HSF5: variants seen among roughly 807,000 people sequenced by gnomAD.
HSF5 encodes the protein heat shock factor protein 5.
A neutral mutation model predicts 50.8 loss-of-function variants in HSF5; 5 were observed. That is an observed-to-expected ratio of 0.10 (90% CI 0.05 to 0.21). HSF5 has a LOEUF of 0.21. Among genes scored for constraint, HSF5 ranks in the 10% least tolerant of loss-of-function variants. The pLI, the probability that HSF5 is intolerant of heterozygous loss-of-function variation, is 1.00. For synonymous variants in HSF5, 307 were observed against 307.4 expected (o/e 1.00, Z 0.02); for missense variants, 564 against 762.6 (o/e 0.74, Z 3.07).
At chr17:58,423,322 A>C (rs1974249965) in intron 5 of HSF5, among the ~76,000 whole-genome samples, 1 of 152,076 alleles carries the variant, frequency 6.6e-6, no homozygotes, top group South Asian at 2.1e-4. Flanking sequence ...TAAAAATGCA[A>C]ATTAGGTACT....
In HSF5 at chr17:58,471,659, A is replaced by G. The variant is rs1193207145; in HGVS notation, c.926-4680T>C. On this transcript the variant is annotated intron_variant, in intron 2 of 5. Coordinates refer to ENST00000323777, the MANE Select transcript of HSF5 (RefSeq NM_001080439.3). ...GAGACACAATCTTGCTCTGTTGCCCAGGCTGGTCTCAAACTCCTGGCTTCA... is the reference window on the plus strand; with the variant it reads ...GAGACACAATCTTGCTCTGTTGCCCGGGCTGGTCTCAAACTCCTGGCTTCA... 5.5e-5 allele frequency among the ~76,000 whole-genome samples: 8 copies of G among 144,798 alleles called. No homozygotes were observed. The East Asian group carries it at 1.2e-3, about 22-fold the overall frequency. 95.0% of individuals were successfully genotyped at this position (144,798 alleles called of 152,430 possible). A position where few individuals can be genotyped will look rare whatever the true frequency, so the allele number is the denominator to read the frequency against.
At chr17:58,470,373 G>T (rs1305182627) in intron 2 of HSF5, among the ~76,000 whole-genome samples, 2 of 152,146 alleles carry the variant, frequency 1.3e-5, no homozygotes, top group African/African-American at 4.8e-5. Flanking sequence ...CTACAATATA[G>T]ATGAATCTTA....
At chr17:58,465,647 T>C (rs891306741) in intron 3 of HSF5, among the ~76,000 whole-genome samples, 2 of 151,550 alleles carry the variant, frequency 1.3e-5, no homozygotes, top group Non-Finnish European at 2.9e-5. Context: ...AAGGGAATGT[T>C]CTTTTGAGTA....
At chr17:58,467,092 G>A in intron 2 of HSF5, 113 bp from the exon 3 acceptor site, 5 of 662,150 alleles carry the variant, frequency 7.6e-6, no homozygotes, top group Non-Finnish European at 1.3e-5. Context: ...AACTTCTTTT[G>A]TATGTCTAAC....
chr17:58,452,291 T>TA (rs1466747212), intron 5 of HSF5, among the ~76,000 whole-genome samples: 5 of 151,308 alleles, frequency 3.3e-5, no homozygotes, highest in Middle Eastern at 3.4e-3. Flanking sequence ...AAAGAAATAA[T>TA]AAAAAAACCT....
At chr17:58,477,374 C>T (rs560152638) in intron 2 of HSF5, among the ~76,000 whole-genome samples, 54 of 152,012 alleles carry the variant, frequency 3.6e-4, no homozygotes, top group Admixed American at 1.1e-3. Context: ...CCCGCCTCAT[C>T]CTCCCAAAGC....
chr17:58,449,659 C>T (rs1298969257), intron 5 of HSF5, among the ~76,000 whole-genome samples: 2 of 151,174 alleles, frequency 1.3e-5, no homozygotes, highest in African/African-American at 4.9e-5. Flanking sequence ...GAGATCATAC[C>T]ACTGCACTCC....
chr17:58,477,463 T>C (rs1312106518), intron 2 of HSF5, among the ~76,000 whole-genome samples: 34 of 4,024 alleles, frequency 8.4e-3, no homozygotes, highest in Middle Eastern at 0.071. Flanking sequence ...TCCATTCCCC[T>C]TTTTTTTTTT....
intron 4 of HSF5, among the ~76,000 whole-genome samples, chr17:58,459,301 T>C (rs1974758359): frequency 6.6e-6 from 1 of 151,984 alleles, no homozygotes; most frequent in Admixed American, 6.6e-5. Flanking sequence ...GCTCATGGGC[T>C]CAAGTGATCC....
At chr17:58,473,989 T>C (rs1974980268) in intron 2 of HSF5, among the ~76,000 whole-genome samples, 1 of 152,064 alleles carries the variant, frequency 6.6e-6, no homozygotes, top group Non-Finnish European at 1.5e-5. Flanking sequence ...GGACTACAGG[T>C]GCTGCCACCA....
chr17:58,442,387 G>T (rs1343520975), intron 5 of HSF5, among the ~76,000 whole-genome samples: 1 of 152,238 alleles, frequency 6.6e-6, no homozygotes, highest in African/African-American at 2.4e-5. Context: ...TTGAAGATAA[G>T]TAGGGAAAGT....
chr17:58,431,986 A>G (rs1974370625), intron 5 of HSF5, among the ~76,000 whole-genome samples: 1 of 152,218 alleles, frequency 6.6e-6, no homozygotes, highest in African/African-American at 2.4e-5. Flanking sequence ...GTTTTGCAAG[A>G]TGAAAAGAGT....
In HSF5 at chr17:58,487,641, T is replaced by A. The variant is rs1021559301; in HGVS notation, c.550+84A>T. 16 of 1,337,832 alleles carry A rather than the reference T, an allele frequency of 1.2e-5. No individual in the cohort carries two copies. In the East Asian group the frequency reaches 4.8e-4, roughly 40 times the overall value. The allele number at this position is 1,337,832 out of a possible 1,614,324, so 82.9% of individuals were successfully genotyped here. A position where few individuals can be genotyped will look rare whatever the true frequency, so the allele number is the denominator to read the frequency against. On this transcript the variant is annotated intron_variant, in intron 1 of 5. Coordinates refer to ENST00000323777, the MANE Select transcript of HSF5 (RefSeq NM_001080439.3). ...TTCCGACGCCCATAGCGTGAGGACG[T>A]GCGAAAATGCGCCCTCCAGCGGCGG...
intron 5 of HSF5, among the ~76,000 whole-genome samples, chr17:58,452,551 T>C (rs1470987954): frequency 6.6e-6 from 1 of 152,028 alleles, no homozygotes; most frequent in Non-Finnish European, 1.5e-5. Flanking sequence ...GGCTCATGCC[T>C]GTAATCGCAA....
At chr17:58,438,816 GCACTAAGAAGTGC>G (rs145860249) in intron 5 of HSF5, among the ~76,000 whole-genome samples, 3,121 of 152,132 alleles carry the variant, frequency 0.021, 44 homozygotes, top group Middle Eastern at 0.044. Context: ...ACCTGAAGTT[GCACTAAGAAGTGC>G]CTTAAGGCCA....
At chr17:58,432,081 C>A (rs1974372153) in intron 5 of HSF5, among the ~76,000 whole-genome samples, 1 of 152,010 alleles carries the variant, frequency 6.6e-6, no homozygotes, top group African/African-American at 2.4e-5. Context: ...ATTTTATGAG[C>A]ATTTATCACA....
At chr17:58,474,324 G>C (rs1241273135) in intron 2 of HSF5, among the ~76,000 whole-genome samples, 2 of 152,060 alleles carry the variant, frequency 1.3e-5, no homozygotes, top group African/African-American at 2.4e-5. Flanking sequence ...AATGCTCAAA[G>C]TAGTTTTGCC....
At chr17:58,425,244 C>T (rs1339173303) in intron 5 of HSF5, among the ~76,000 whole-genome samples, 1 of 151,416 alleles carries the variant, frequency 6.6e-6, no homozygotes, top group African/African-American at 2.4e-5. Context: ...ACTAAAAATA[C>T]AAAATTAGCT....
chr17:58,487,762 C>T lies in HSF5; in HGVS notation c.513G>A (p.Gln171=). Residue 171 remains glutamine, a synonymous_variant, in exon 1 of 6, where the codon CAG becomes CAA. Transcript: ENST00000323777. The part of the protein sequence containing the change: ...SAATAPLQHQ[Q]PPPPAGPRPE... ...GCCGGGGCCCCGCGGGCGGCGGCGG[C>T]TGCTGGTGCTGCAGTGGCGCGGTGG... 4 of 1,401,198 alleles carry T rather than the reference C, an allele frequency of 2.9e-6. No homozygotes were observed. The highest frequency in any genetic ancestry group is 3.7e-6 in the Non-Finnish European group (4 of 1,090,588). The allele number at this position is 1,401,198 out of a possible 1,614,324, so 86.8% of individuals were successfully genotyped here.
Sources: allele counts gnomAD v4.1 joint callset (sites outside exome capture counted in the v4.1 genomes callset), GRCh38; gene constraint gnomAD v4.1.1; transcripts MANE v1.5; gene names NCBI Gene and HGNC (gene_info 2026-07-23, HGNC 2026-07-21).